The following CWF19L2 variants were observed in gnomAD, a reference collection of about 807,000 sequenced individuals.
The protein encoded by CWF19L2 is CWF19 like cell cycle control factor 2, also known as CWF19-like protein 2.
In CWF19L2, 98 loss-of-function variants were observed where a neutral mutation model predicts 111.7. That is an observed-to-expected ratio of 0.88 (90% CI 0.75 to 1.04). The LOEUF is 1.04. Ranked by LOEUF, CWF19L2 falls within the 50% of genes least tolerant of loss-of-function variation. The pLI is 0.00. For missense variants in CWF19L2, 1,101 were observed against 1,051.4 expected, an observed-to-expected ratio of 1.05 and a Z score of -0.65; for synonymous variants, 351 against 342.9, an observed-to-expected ratio of 1.02 and a Z score of -0.26.
intron 6 of CWF19L2, 34 bp downstream of exon 6, chr11:107,439,056 A>AAC (rs1555028395): frequency 4.1e-6 from 4 of 978,978 alleles, no homozygotes; most frequent in Non-Finnish European, 6.1e-6. Flanking sequence ...AAAAAAAAAA[A>AAC]CCCTGTGTGT....
At chr11:107,415,228 T>C (rs955176199) in intron 10 of CWF19L2, among the ~76,000 whole-genome samples, 2 of 152,140 alleles carry the variant, frequency 1.3e-5, no homozygotes, top group Non-Finnish European at 2.9e-5. Flanking sequence ...CTGTTCCCTA[T>C]GACTACTGCG....
Position 107,390,197 on chromosome 11 carries a change from C to T in CWF19L2, c.1749G>A (p.Glu583=). The stretch of plus-strand genomic sequence containing the variant: ...GAAAGTATCTGACCCTTTCTCTTTC[C>T]TCATGGGTTGAAACCTATGACAAAA... ...RRKRQMVSTH[E]ERERVRYFHD... Residue 583 remains glutamate, a synonymous_variant, in exon 12 of 18, where the codon GAG becomes GAA. Coordinates refer to ENST00000282251, the MANE Select transcript of CWF19L2 (RefSeq NM_152434.3). 2.5e-6 allele frequency: 4 copies of T among 1,606,574 alleles called. No individual in the cohort carries two copies. Among genetic ancestry groups the T allele is most frequent in the Non-Finnish European group, 3.4e-6 (4 of 1,176,408 alleles).
chr11:107,395,211 A>T (rs583631), intron 10 of CWF19L2, among the ~76,000 whole-genome samples: 81,827 of 151,948 alleles, frequency 0.54, 23,097 homozygotes, highest in African/African-American at 0.72. Context: ...TGACAGTTTT[A>T]AAAACGGGAA....
chr11:107,335,761 G>A (rs1356092769), intron 15 of CWF19L2, among the ~76,000 whole-genome samples: 1 of 152,100 alleles, frequency 6.6e-6, no homozygotes. Context: ...TGTTTTTACA[G>A]TATTGTTATT....
intron 5 of CWF19L2, among the ~76,000 whole-genome samples, chr11:107,439,963 G>A (rs1861598067): frequency 6.6e-6 from 1 of 152,170 alleles, no homozygotes; most frequent in South Asian, 2.1e-4. Flanking sequence ...AGAAGGCTGT[G>A]GCAGTAATCC....
chr11:107,412,941 T>A (rs868463255), intron 10 of CWF19L2, among the ~76,000 whole-genome samples: 2 of 152,160 alleles, frequency 1.3e-5, no homozygotes, highest in African/African-American at 4.8e-5. Context: ...CTATGGAGAC[T>A]AAAAAGATCC....
rs1353216387 is a variant in CWF19L2, at chr11:107,415,437, TTTA to T, written c.1617+769_1617+771del. On this transcript the variant is annotated intron_variant, in intron 10 of 17. Transcript: ENST00000282251. ...TTTAATTTGCTTATCATTTTTATAATTTATTGTTTCCCTCCCTACCCAAATGAA... is the reference window on the plus strand; with the variant it reads ...TTTAATTTGCTTATCATTTTTATAATTTGTTTCCCTCCCTACCCAAATGAA... Among the ~76,000 whole-genome samples the T allele has an allele frequency of 2.6e-5, 4 of 152,352 alleles. No individual in the cohort carries two copies. The East Asian group carries it at 7.7e-4, about 29-fold the overall frequency.
At chr11:107,456,192 CA>C (rs1861852333) in intron 1 of CWF19L2, among the ~76,000 whole-genome samples, 1 of 152,110 alleles carries the variant, frequency 6.6e-6, no homozygotes, top group African/African-American at 2.4e-5. Context: ...TACCCAGCCC[CA>C]AAAATGCCTC....
intron 12 of CWF19L2, among the ~76,000 whole-genome samples, chr11:107,369,342 C>G (rs182703462): frequency 7.3e-6 from 1 of 137,190 alleles, no homozygotes; most frequent in Admixed American, 7.2e-5. Flanking sequence ...AAAAGTAGAG[C>G]TTCAGAGGCA....
chr11:107,381,920 C>T (rs1860692716), intron 12 of CWF19L2, among the ~76,000 whole-genome samples: 1 of 151,896 alleles, frequency 6.6e-6, no homozygotes, highest in Non-Finnish European at 1.5e-5. Flanking sequence ...AAGGTAAAAT[C>T]CTAATTACTG....
chr11:107,455,813 T>C, intron 1 of CWF19L2, 37 bp from the exon 2 acceptor site: 1 of 1,293,034 alleles, frequency 7.7e-7, no homozygotes. Flanking sequence ...AACTGGCAAT[T>C]GACCCAACTG....
chr11:107,403,964 G>A, intron 10 of CWF19L2: 1 of 879,030 alleles, frequency 1.1e-6, no homozygotes, highest in South Asian at 1.3e-5. Flanking sequence ...TCTAGCTGTT[G>A]CGACAACTGA....
At chr11:107,343,205 T>C (rs1860030458) in intron 14 of CWF19L2, among the ~76,000 whole-genome samples, 1 of 152,240 alleles carries the variant, frequency 6.6e-6, no homozygotes, top group Non-Finnish European at 1.5e-5. Flanking sequence ...GTTGTTAAAA[T>C]GAGGTGCTGA....
In CWF19L2 at chr11:107,390,190, C is replaced by T. The variant is rs1860827587; in HGVS notation, c.1756G>A (p.Glu586Lys). 1 of 1,609,236 alleles carries T rather than the reference C, an allele frequency of 6.2e-7. No homozygotes were observed. Among genetic ancestry groups the T allele is most frequent in the Non-Finnish European group, 8.5e-7 (1 of 1,177,528 alleles). ...TCATCATGAAAGTATCTGACCCTTT[C>T]TCTTTCCTCATGGGTTGAAACCTAT... ...RQMVSTHEER[E>K]RVRYFHDDDN... The change falls in exon 12 of 18, where the codon GAA becomes AAA. Residue 586 changes from glutamate (E) to lysine (K), a missense_variant. Glu to Lys is a moderately conservative substitution (Grantham distance 56). Transcript: ENST00000282251.
chr11:107,416,340 T>A (rs1245658739), intron 9 of CWF19L2, 42 bp from the exon 10 acceptor site: 3 of 865,534 alleles, frequency 3.5e-6, no homozygotes, highest in Non-Finnish European at 5.1e-6. Flanking sequence ...GATATGTAGT[T>A]TAATTCTTTA....
intron 6 of CWF19L2, among the ~76,000 whole-genome samples, chr11:107,434,685 A>AAAG (rs1555027647): frequency 1.3e-5 from 2 of 151,048 alleles, no homozygotes; most frequent in African/African-American, 2.4e-5. Context: ...AAAAAAAAAA[A>AAAG]AAAAGAAAAA....
intron 1 of CWF19L2, 39 bp downstream of exon 1, chr11:107,457,673 C>T: frequency 6.8e-7 from 1 of 1,469,276 alleles, no homozygotes; most frequent in Non-Finnish European, 9.3e-7. Context: ...TCAACTCCCA[C>T]AACAATAAAT....
At chr11:107,354,913 T>C (rs1004333276) in intron 12 of CWF19L2, among the ~76,000 whole-genome samples, 1 of 152,214 alleles carries the variant, frequency 6.6e-6, no homozygotes, top group Non-Finnish European at 1.5e-5. Flanking sequence ...TTAGCTGTCA[T>C]TTCCATCAAA....
chr11:107,428,358 T>C (rs1861409859), intron 8 of CWF19L2, among the ~76,000 whole-genome samples: 1 of 152,124 alleles, frequency 6.6e-6, no homozygotes, highest in African/African-American at 2.4e-5. Context: ...ATTTGTCACT[T>C]TATATTTGGG....
Sources: allele counts gnomAD v4.1 joint callset (sites outside exome capture counted in the v4.1 genomes callset), GRCh38; gene constraint gnomAD v4.1.1; transcripts MANE v1.5; gene names NCBI Gene and HGNC (gene_info 2026-07-23, HGNC 2026-07-21).